Variants in NDC1 observed in about 807,000 individuals in gnomAD.
NDC1 encodes nucleoporin NDC1.
Under a neutral mutation model 89.8 loss-of-function variants are expected in NDC1, and 24 were observed. The ratio of observed to expected loss-of-function variants is 0.27; its 90% CI spans 0.19 to 0.38. The LOEUF is 0.38. NDC1 is among the 10% of genes least tolerant of loss of function. The probability of loss-of-function intolerance (pLI) is 1.00; values close to 1 mark genes in which losing one functional copy is unlikely to be tolerated. For missense variants in NDC1, 728 were observed against 797.6 expected (o/e 0.91, Z 1.05); for synonymous variants, 296 against 284.8 (o/e 1.04, Z -0.39).
intron 4 of NDC1, among the ~76,000 whole-genome samples, chr1:53,826,731 T>G (rs559278669): frequency 3.5e-4 from 54 of 152,236 alleles, no homozygotes; most frequent in African/African-American, 1.2e-3. Context: ...ACATCAAAAT[T>G]CAGTAGAACT....
intron 5 of NDC1, among the ~76,000 whole-genome samples, chr1:53,822,361 T>C (rs1185777347): frequency 6.6e-6 from 1 of 152,106 alleles, no homozygotes; most frequent in Admixed American, 6.6e-5. Context: ...TTTTCATAAT[T>C]ACATGAAAAA....
intron 16 of NDC1, among the ~76,000 whole-genome samples, chr1:53,780,722 G>A (rs1647198790): frequency 6.6e-6 from 1 of 152,122 alleles, no homozygotes; most frequent in South Asian, 2.1e-4. Context: ...TTTTAAAGAT[G>A]AAAAGGTTCT....
intron 4 of NDC1, 48 bp from the exon 5 acceptor site, chr1:53,825,984 T>C (rs764314932): frequency 1.3e-6 from 2 of 1,590,172 alleles, no homozygotes; most frequent in Non-Finnish European, 1.7e-6. Context: ...GGGACATGTA[T>C]CACTGTTTTA....
chr1:53,824,292 C>T (rs186502130), intron 5 of NDC1, among the ~76,000 whole-genome samples: 4 of 151,230 alleles, frequency 2.6e-5, no homozygotes, highest in East Asian at 3.9e-4. Context: ...GAGAGAGACA[C>T]GGTCTAGCCA....
chr1:53,800,943 C>A, intron 10 of NDC1, 95 bp from the exon 11 acceptor site: 1 of 1,242,812 alleles, frequency 8.0e-7, no homozygotes, highest in East Asian at 2.5e-5. Flanking sequence ...CTACATTATG[C>A]TTGGCATCAG....
At chr1:53,796,549 GGCT>G (rs1314189109) in intron 13 of NDC1, 137 bp downstream of exon 13, 1 of 539,998 alleles carries the variant, frequency 1.9e-6, no homozygotes, top group Non-Finnish European at 3.2e-6. Context: ...GTCAAATATT[GGCT>G]GTTTCATTTG....
At chr1:53,824,598 A>G (rs752343793) in intron 5 of NDC1, among the ~76,000 whole-genome samples, 3 of 152,180 alleles carry the variant, frequency 2.0e-5, no homozygotes, top group Non-Finnish European at 4.4e-5. Context: ...GCGAATGAGG[A>G]GCAGCAGAAA....
At position 53,806,487 on chromosome 1, in the gene NDC1, C is replaced by A; in HGVS notation, c.922G>T (p.Ala308Ser). The A allele has an allele frequency of 6.6e-7, 1 of 1,523,476 alleles. No individual in the cohort carries two copies. The highest frequency in any genetic ancestry group is 8.8e-7 in the Non-Finnish European group (1 of 1,142,442). 94.4% of individuals were successfully genotyped at this position (1,523,476 alleles called of 1,614,324 possible). The part of the protein sequence containing the change: ...AHVFPVQPPF[A>S]EGSDECLPKV... ...GGAAGGCACTCATCTGACCCTTCTG[C>A]AAATGGTGGTTGAACAGGAAACACA... The change falls in exon 9 of 18, where the codon GCA becomes TCA. Residue 308 changes from alanine (A) to serine (S), a missense_variant. By Grantham distance (99) the Ala-to-Ser change is moderately conservative. Coordinates refer to ENST00000371429, the MANE Select transcript of NDC1 (RefSeq NM_018087.5).
At chr1:53,834,299 T>C (rs1325046641) in intron 2 of NDC1, among the ~76,000 whole-genome samples, 1 of 152,246 alleles carries the variant, frequency 6.6e-6, no homozygotes, top group East Asian at 1.9e-4. Flanking sequence ...ACTCTAAGGT[T>C]GCCACCAGAG....
At chr1:53,783,627 T>A (rs1647238967) in intron 16 of NDC1, among the ~76,000 whole-genome samples, 1 of 152,198 alleles carries the variant, frequency 6.6e-6, no homozygotes, top group Non-Finnish European at 1.5e-5. Flanking sequence ...TGCAGCAGTG[T>A]TGAGAGATGG....
chr1:53,769,591 CTG>C (rs1647095682), intron 17 of NDC1, among the ~76,000 whole-genome samples: 1 of 152,120 alleles, frequency 6.6e-6, no homozygotes, highest in Non-Finnish European at 1.5e-5. Context: ...AATGAGTGGG[CTG>C]TGTTTGTTAG....
intron 6 of NDC1, among the ~76,000 whole-genome samples, chr1:53,816,884 G>T (rs1648499386): frequency 6.6e-6 from 1 of 152,136 alleles, no homozygotes; most frequent in African/African-American, 2.4e-5. Context: ...AATGACATAT[G>T]AAAAAATGCT....
chr1:53,826,194 A>G, intron 4 of NDC1, among the ~76,000 whole-genome samples: 1 of 152,212 alleles, frequency 6.6e-6, no homozygotes, highest in Non-Finnish European at 1.5e-5. Flanking sequence ...ATCTACCATA[A>G]TAACAAGCAG....
In NDC1 at chr1:53,797,130, G is replaced by T; in HGVS notation, c.1237C>A (p.Gln413Lys). 1 of 1,613,992 alleles carries T rather than the reference G, an allele frequency of 6.2e-7. No individual in the cohort carries two copies. Among genetic ancestry groups the T allele is most frequent in the Non-Finnish European group, 8.5e-7 (1 of 1,179,868 alleles). Residue 413 changes from glutamine (Q) to lysine (K), a missense_variant, in exon 12 of 18, where the codon CAG becomes AAG. Transcript: ENST00000371429. Reference sequence around the variant, plus strand: ...GGCATCTGGCTAGATTTTGGTGTCTGAAAAGCAGTTTCTTCTGTAAAACAA... The same window carrying T: ...GGCATCTGGCTAGATTTTGGTGTCTTAAAAGCAGTTTCTTCTGTAAAACAA... ...KLNSPEETAF[Q>K]TPKSSQMPRP...
intron 9 of NDC1, among the ~76,000 whole-genome samples, chr1:53,806,077 A>G (rs528740953): frequency 1.3e-5 from 2 of 152,246 alleles, no homozygotes; most frequent in Non-Finnish European, 2.9e-5. Context: ...CCGTCTCAAA[A>G]AAAAAAAATC....
rs1647059441 is a variant in NDC1, at chr1:53,765,660, A to G, written c.*2310T>C. ...ACTCAACTGTACAAGGTTTATTTCT[A>G]GGACAATTTCCCAGTTCTCTGGGAA... On this transcript the variant is annotated 3_prime_UTR_variant, in exon 18 of 18. Transcript: ENST00000371429. 1 of 152,168 alleles carries G rather than the reference A, an allele frequency of 6.6e-6. No individual in the cohort carries two copies. The highest frequency in any genetic ancestry group is 1.5e-5 in the Non-Finnish European group (1 of 68,028). 9.4% of individuals were successfully genotyped at this position (152,168 alleles called of 1,614,324 possible).
Position 53,777,395 on chromosome 1 carries a change from C to T in NDC1, c.1801-4906G>A, listed in dbSNP as rs183344845. Reference sequence around the variant, plus strand: ...AAGACCTCTAAGAAAGAATAAAGGTCATAAAATAGCAATCTTTATAAATAG... The same window carrying T: ...AAGACCTCTAAGAAAGAATAAAGGTTATAAAATAGCAATCTTTATAAATAG... On this transcript the variant is annotated intron_variant, in intron 16 of 17. Coordinates refer to ENST00000371429, the MANE Select transcript of NDC1 (RefSeq NM_018087.5). Among the ~76,000 whole-genome samples the T allele has an allele frequency of 3.0e-4, 46 of 152,178 alleles. No individual in the cohort carries two copies. The East Asian group carries it at 8.3e-3, about 27-fold the overall frequency.
intron 11 of NDC1, among the ~76,000 whole-genome samples, chr1:53,798,530 A>G (rs1218143996): frequency 1.3e-5 from 2 of 150,848 alleles, no homozygotes; most frequent in Non-Finnish European, 3.0e-5. Flanking sequence ...CCAAGTACCA[A>G]ATTTTCATTA....
chr1:53,833,966 G>A (rs1016668144), intron 2 of NDC1, among the ~76,000 whole-genome samples: 1 of 151,844 alleles, frequency 6.6e-6, no homozygotes, highest in Non-Finnish European at 1.5e-5. Flanking sequence ...GAGTAGCTGG[G>A]ACTACAGGTG....
Sources: allele counts gnomAD v4.1 joint callset (sites outside exome capture counted in the v4.1 genomes callset), GRCh38; gene constraint gnomAD v4.1.1; transcripts MANE v1.5; gene names NCBI Gene and HGNC (gene_info 2026-07-23, HGNC 2026-07-21).